Variants in NAV2 observed in about 807,000 individuals in gnomAD.
The protein encoded by NAV2 is helicase, APC down-regulated 1.
NAV2 carries 54 observed loss-of-function variants against 223.2 expected under a neutral mutation model. The observed-to-expected ratio is 0.24, with a 90% CI of 0.19 to 0.30. The LOEUF (loss-of-function observed/expected upper bound fraction) is 0.30, where lower values mean the gene tolerates loss of function less well. Ranked by LOEUF, NAV2 falls within the 10% of genes least tolerant of loss-of-function variation. The pLI, the probability that NAV2 is intolerant of heterozygous loss-of-function variation, is 1.00. For missense variants in NAV2, 2,806 were observed against 3,147.5 expected (o/e 0.89, Z 2.60); for synonymous variants, 1,279 against 1,239.3 (o/e 1.03, Z -0.67).
intron 1 of NAV2, among the ~76,000 whole-genome samples, chr11:19,777,065 T>C (rs2056290545): frequency 6.7e-6 from 1 of 150,102 alleles, no homozygotes; most frequent in Non-Finnish European, 1.5e-5. Context: ...GCGGGCCAGC[T>C]AGGGGGCGGG....
intron 1 of NAV2, among the ~76,000 whole-genome samples, chr11:19,814,250 G>A (rs1023550374): frequency 2.0e-5 from 3 of 152,182 alleles, no homozygotes; most frequent in Admixed American, 1.3e-4. Flanking sequence ...CTCAGCAGGT[G>A]CAAAAGAGTT....
chr11:19,994,050 A>G (rs1225119806), intron 11 of NAV2, among the ~76,000 whole-genome samples: 2 of 152,140 alleles, frequency 1.3e-5, no homozygotes, highest in Non-Finnish European at 2.9e-5. Flanking sequence ...TGCAGAGAGG[A>G]CCAGAAGCAT....
chr11:19,465,800 A>C (rs1179351294), intron 1 of NAV2, among the ~76,000 whole-genome samples: 2 of 152,256 alleles, frequency 1.3e-5, no homozygotes, highest in African/African-American at 4.8e-5. Context: ...GGTTTAGCTA[A>C]CCAGTAGCGG....
chr11:19,401,421 G>A (rs1275934071), intron 1 of NAV2, among the ~76,000 whole-genome samples: 1 of 152,188 alleles, frequency 6.6e-6, no homozygotes, highest in East Asian at 1.9e-4. Flanking sequence ...ACTTATGTAT[G>A]GCATTTGGCA....
intron 1 of NAV2, among the ~76,000 whole-genome samples, chr11:19,654,431 C>T (rs1306769469): frequency 6.6e-6 from 1 of 152,126 alleles, no homozygotes; most frequent in Non-Finnish European, 1.5e-5. Context: ...CCCACATTGC[C>T]AAGTCAATCA....
chr11:19,742,829 G>A lies in NAV2; in HGVS notation c.267+28867G>A, dbSNP rs957267854. ...TGTACCTGGAAGGCACAGACAGGCA[G>A]ACAGGCCCATGTTCCTGTCCACTTT... On this transcript the variant is annotated intron_variant, in intron 1 of 37. Transcript: ENST00000349880. Among the ~76,000 whole-genome samples the A allele has an allele frequency of 5.9e-5, 9 of 152,258 alleles. No homozygotes were observed. In the South Asian group the frequency reaches 6.2e-4, roughly 10 times the overall value.
At chr11:19,562,123 C>A (rs560096581) in intron 1 of NAV2, among the ~76,000 whole-genome samples, 1 of 152,338 alleles carries the variant, frequency 6.6e-6, no homozygotes, top group South Asian at 2.1e-4. Context: ...TTTACAGATA[C>A]CCTTATAAGG....
intron 1 of NAV2, among the ~76,000 whole-genome samples, chr11:19,727,297 A>T (rs2051336327): frequency 6.6e-6 from 1 of 152,206 alleles, no homozygotes; most frequent in Non-Finnish European, 1.5e-5. Context: ...CCCGTCTCAC[A>T]AATGGCTGTG....
chr11:19,451,060 C>G (rs1278449158), intron 1 of NAV2, among the ~76,000 whole-genome samples: 1 of 152,142 alleles, frequency 6.6e-6, no homozygotes, highest in Non-Finnish European at 1.5e-5. Flanking sequence ...TCTCTGATTA[C>G]CTTCCCATAA....
intron 3 of NAV2, among the ~76,000 whole-genome samples, chr11:19,852,132 T>C (rs2061179280): frequency 6.6e-6 from 1 of 152,248 alleles, no homozygotes; most frequent in African/African-American, 2.4e-5. Context: ...GATTTTGGAC[T>C]TCTGACCTCC....
At position 19,933,316 on chromosome 11, in the gene NAV2, T is replaced by C; in HGVS notation, c.1072T>C (p.Trp358Arg). 6.2e-7 allele frequency: 1 copy of C among 1,613,386 alleles called. No individual in the cohort carries two copies. Among genetic ancestry groups the C allele is most frequent in the Non-Finnish European group, 8.5e-7 (1 of 1,179,692 alleles). The change falls in exon 7 of 38, where the codon TGG becomes CGG. Residue 358 changes from tryptophan (W) to arginine (R), a missense_variant. Physicochemically the swap from Trp to Arg is moderately radical, Grantham distance 101 (BLOSUM62 -3). Coordinates refer to ENST00000349880, the MANE Select transcript of NAV2 (RefSeq NM_145117.5). The surrounding 1 kb of genome is among the most constrained non-coding windows in gnomAD (Gnocchi z 4.3). The stretch of plus-strand genomic sequence containing the variant: ...GCAGCCCGGTGCAGCCACCAAGCCT[T>C]GGCGCAGCAAATCCCTCAGCGTGAA... ...IPQPGAATKP[W>R]RSKSLSVKHS... is the part of the protein sequence containing the mutation.
chr11:19,642,387 C>T (rs1193711832), intron 1 of NAV2, among the ~76,000 whole-genome samples: 1 of 152,188 alleles, frequency 6.6e-6, no homozygotes, highest in African/African-American at 2.4e-5. Flanking sequence ...AATAGACTCT[C>T]ATTTTTCTGG....
At chr11:19,427,553 C>T (rs1850879741) in intron 1 of NAV2, among the ~76,000 whole-genome samples, 1 of 152,186 alleles carries the variant, frequency 6.6e-6, no homozygotes. Flanking sequence ...GCCTTTGGGA[C>T]ACATGACTTG....
At chr11:20,012,365 G>A (rs1056918338) in intron 11 of NAV2, among the ~76,000 whole-genome samples, 2 of 152,134 alleles carry the variant, frequency 1.3e-5, no homozygotes, top group Non-Finnish European at 2.9e-5. Flanking sequence ...ATACCATGAT[G>A]GTGCCTACTG....
chr11:19,871,823 C>G (rs559828019), intron 4 of NAV2, among the ~76,000 whole-genome samples: 17 of 152,210 alleles, frequency 1.1e-4, no homozygotes, highest in African/African-American at 4.1e-4. Context: ...GACTGGAATG[C>G]CAGGCCCTCC....
intron 1 of NAV2, among the ~76,000 whole-genome samples, chr11:19,493,884 G>A (rs755348238): frequency 1.3e-5 from 2 of 152,190 alleles, no homozygotes; most frequent in South Asian, 4.1e-4. Flanking sequence ...TAAAAAGAAA[G>A]GCCCGAAAGA....
intron 6 of NAV2, among the ~76,000 whole-genome samples, chr11:19,916,213 A>G (rs1471337737): frequency 6.6e-6 from 1 of 152,256 alleles, no homozygotes; most frequent in Non-Finnish European, 1.5e-5. Flanking sequence ...AAAGCCAGTA[A>G]CATCCACCAT....
chr11:20,078,462 G>T (rs1209470123), intron 24 of NAV2, among the ~76,000 whole-genome samples: 1 of 152,144 alleles, frequency 6.6e-6, no homozygotes, highest in Admixed American at 6.6e-5. Flanking sequence ...TCCAAGAAAA[G>T]ATTTCTTTTT....
At chr11:19,722,679 G>A (rs2050848717) in intron 1 of NAV2, among the ~76,000 whole-genome samples, 1 of 152,186 alleles carries the variant, frequency 6.6e-6, no homozygotes, top group Admixed American at 6.5e-5. Flanking sequence ...AGAAAAGAAG[G>A]GTAAGGGGAG....
Sources: allele counts gnomAD v4.1 joint callset (sites outside exome capture counted in the v4.1 genomes callset), GRCh38; gene constraint gnomAD v4.1.1; non-coding constraint Gnocchi (gnomAD v3.1); transcripts MANE v1.5; gene names NCBI Gene and HGNC (gene_info 2026-07-23, HGNC 2026-07-21).